Variants in SMIM36 observed in about 807,000 individuals in gnomAD.
SMIM36 encodes the protein small integral membrane protein 36.
At chr17:55,460,495 T>C (rs1303508215) in intron 4 of SMIM36, among the ~76,000 whole-genome samples, 1 of 150,294 alleles carries the variant, frequency 6.7e-6, no homozygotes. Context: ...TAATGCTAAG[T>C]GAAAACAAAA....
the SMIM36 span, among the ~76,000 whole-genome samples, chr17:55,524,155 T>C: frequency 6.6e-6 from 1 of 152,224 alleles, no homozygotes; most frequent in Non-Finnish European, 1.5e-5. Flanking sequence ...CTCCCATTTA[T>C]AAGTGAGAAC....
chr17:55,457,549 G>A (rs73318278), intron 4 of SMIM36, among the ~76,000 whole-genome samples: 3,462 of 150,848 alleles, frequency 0.023, 140 homozygotes, highest in African/African-American at 0.079. Context: ...TTTTTGAGAC[G>A]GAATTTTGCT....
In SMIM36 at chr17:55,491,134, C is replaced by T. The variant is rs111660624; in HGVS notation, c.*175-11554G>A. Among the ~76,000 whole-genome samples, 45 of 149,868 alleles carry T rather than the reference C, an allele frequency of 3.0e-4. 3 individuals are homozygous for T. The highest frequency in any genetic ancestry group is 1.1e-3 in the African/African-American group (43 of 40,662). Reference sequence around the variant, plus strand: ...TGGTGGTGCTGTAGTTTCAGCTACTCGGGAGACCGAAGTGGGAGGATTACT... The same window carrying T: ...TGGTGGTGCTGTAGTTTCAGCTACTTGGGAGACCGAAGTGGGAGGATTACT... On this transcript the variant is annotated intron_variant, in intron 1 of 4. Coordinates refer to ENST00000636752, the Ensembl canonical transcript of SMIM36.
intron 4 of SMIM36, among the ~76,000 whole-genome samples, chr17:55,461,984 G>A (rs1909155389): frequency 6.6e-6 from 1 of 152,206 alleles, no homozygotes; most frequent in African/African-American, 2.4e-5. Flanking sequence ...GGGAAAGATT[G>A]TAGATATGGT....
the SMIM36 span, among the ~76,000 whole-genome samples, chr17:55,524,009 T>G: frequency 1.3e-5 from 2 of 152,076 alleles, no homozygotes; most frequent in African/African-American, 2.4e-5. Flanking sequence ...CTGTACAGAT[T>G]ATTTTGTCAC....
chr17:55,454,613 C>T (rs7208961), intron 4 of SMIM36, among the ~76,000 whole-genome samples: 4,049 of 152,114 alleles, frequency 0.027, 193 homozygotes, highest in African/African-American at 0.092. Context: ...ATTTACACGC[C>T]TTTTACATTA....
chr17:55,489,186 T>C (rs1217019114), intron 1 of SMIM36, among the ~76,000 whole-genome samples: 1 of 152,196 alleles, frequency 6.6e-6, no homozygotes, highest in Admixed American at 6.5e-5. Flanking sequence ...AAGACAAGCC[T>C]GGCCAATGTA....
intron 4 of SMIM36, among the ~76,000 whole-genome samples, chr17:55,456,303 G>A (rs1030896098): frequency 2.6e-5 from 4 of 151,938 alleles, no homozygotes; most frequent in African/African-American, 4.8e-5. Flanking sequence ...TGAGGGCTAC[G>A]GCCCATTCTT....
intron 2 of SMIM36, among the ~76,000 whole-genome samples, 180 bp from the exon 3 acceptor site, chr17:55,478,993 T>C (rs896404075): frequency 9.2e-5 from 14 of 152,156 alleles, no homozygotes; most frequent in African/African-American, 2.7e-4. Flanking sequence ...TGTGGTTTCT[T>C]GTGAGCTCCA....
chr17:55,512,768 T>A (rs1910203821), upstream of SMIM36, among the ~76,000 whole-genome samples: 1 of 152,226 alleles, frequency 6.6e-6, no homozygotes, highest in African/African-American at 2.4e-5. Flanking sequence ...ATATATGTAT[T>A]TTTGGCCAGC....
chr17:55,452,236 T>C (rs1385584129), intron 4 of SMIM36, among the ~76,000 whole-genome samples: 3 of 151,968 alleles, frequency 2.0e-5, no homozygotes, highest in Non-Finnish European at 4.4e-5. Flanking sequence ...TGTTCCTGAA[T>C]ATAGATGTTC....
intron 1 of SMIM36, among the ~76,000 whole-genome samples, chr17:55,489,407 A>T (rs565365176): frequency 7.1e-6 from 1 of 140,376 alleles, no homozygotes; most frequent in South Asian, 2.3e-4. Context: ...AAAAAGAGAA[A>T]TGTGTAAGAA....
chr17:55,492,480 A>T (rs1324890792), intron 1 of SMIM36, among the ~76,000 whole-genome samples: 1 of 151,646 alleles, frequency 6.6e-6, no homozygotes, highest in African/African-American at 2.4e-5. Context: ...TCTTGACCTC[A>T]TACGTTCTTT....
chr17:55,502,110 C>T (rs928992593), intron 1 of SMIM36, among the ~76,000 whole-genome samples: 1 of 151,332 alleles, frequency 6.6e-6, no homozygotes, highest in Non-Finnish European at 1.5e-5. Context: ...GCACAGCAGT[C>T]TGTGATCAAA....
At chr17:55,500,640 T>C (rs757612430) in intron 1 of SMIM36, among the ~76,000 whole-genome samples, 2 of 150,372 alleles carry the variant, frequency 1.3e-5, no homozygotes, top group Non-Finnish European at 2.9e-5. Flanking sequence ...ATATAAAATG[T>C]TCAATGCATC....
At chr17:55,518,638 T>C in the SMIM36 span, among the ~76,000 whole-genome samples, 72 of 152,136 alleles carry the variant, frequency 4.7e-4, no homozygotes, top group African/African-American at 1.5e-3. Context: ...TTGAGGAGTT[T>C]GGTTGTGAAA....
At chr17:55,461,773 A>C (rs1255715206) in intron 4 of SMIM36, among the ~76,000 whole-genome samples, 2 of 152,186 alleles carry the variant, frequency 1.3e-5, no homozygotes, top group Non-Finnish European at 2.9e-5. Context: ...AAGCAAAAAC[A>C]AAAACCAAAA....
chr17:55,484,541 A>G (rs1032899896), intron 1 of SMIM36, among the ~76,000 whole-genome samples: 3 of 152,246 alleles, frequency 2.0e-5, no homozygotes, highest in Non-Finnish European at 4.4e-5. Context: ...CACACATTAT[A>G]AACCTCCCAG....
At chr17:55,451,835 G>A (rs568539908) in intron 4 of SMIM36, among the ~76,000 whole-genome samples, 3 of 152,136 alleles carry the variant, frequency 2.0e-5, no homozygotes, top group Non-Finnish European at 4.4e-5. Context: ...AGGGGCTGAT[G>A]CCTGTAATCC....
Sources: allele counts gnomAD v4.1 joint callset (sites outside exome capture counted in the v4.1 genomes callset), GRCh38; gene constraint gnomAD v4.1.1; transcripts MANE v1.5; gene names NCBI Gene and HGNC (gene_info 2026-07-23, HGNC 2026-07-21).